LTF: variants seen among roughly 807,000 people sequenced by gnomAD.
LTF encodes lactotransferrin.
LTF carries 91 observed loss-of-function variants against 87.2 expected under a neutral mutation model. The ratio of observed to expected loss-of-function variants is 1.04; its 90% CI spans 0.88 to 1.24. LTF has a LOEUF of 1.24. Ranked by LOEUF, LTF falls within the 50% of genes most tolerant of loss-of-function variation. The pLI, the probability that LTF is intolerant of heterozygous loss-of-function variation, is 0.00. For synonymous variants in LTF, 378 were observed against 356.1 expected (o/e 1.06, Z -0.69); for missense variants, 901 against 904.3 (o/e 1.00, Z 0.05).
chr3:46,440,551 C>T (rs1344173382), intron 14 of LTF, among the ~76,000 whole-genome samples: 1 of 152,194 alleles, frequency 6.6e-6, no homozygotes, highest in Non-Finnish European at 1.5e-5. Context: ...TCCCGTTTGT[C>T]TCTCTGCTCT....
At chr3:46,465,341 C>T (rs898183469), upstream of LTF, among the ~76,000 whole-genome samples, 1 of 152,214 alleles carries the variant, frequency 6.6e-6, no homozygotes, top group Non-Finnish European at 1.5e-5. Flanking sequence ...TTCACCTTGG[C>T]TCAGCAGTGA....
chr3:46,478,951 G>A (rs1559613492), intron 1 of LTF, among the ~76,000 whole-genome samples: 1 of 152,224 alleles, frequency 6.6e-6, no homozygotes, highest in Non-Finnish European at 1.5e-5. Flanking sequence ...CTTGCACTTA[G>A]AGGGGTTCCC....
In LTF at chr3:46,441,460, T is replaced by C. The variant is rs1291496809; in HGVS notation, c.1679A>G (p.Asp560Gly). Residue 560 changes from aspartate to glycine, a missense_variant, in exon 14 of 17, where the codon GAC becomes GGC. Transcript: ENST00000231751. ...AFRCLAENAG[D>G]VAFVKDVTVL... The stretch of plus-strand genomic sequence containing the variant: ...AGTGACATCTTTCACAAATGCAACG[T>C]CTCCAGCATTCTCAGCCAGGCACCT... 7.4e-6 allele frequency: 12 copies of C among 1,613,658 alleles called. No individual in the cohort carries two copies. The highest frequency in any genetic ancestry group is 9.3e-6 in the Non-Finnish European group (11 of 1,179,850).
chr3:46,480,825 A>G (rs1034220550), intron 1 of LTF, among the ~76,000 whole-genome samples: 3 of 152,220 alleles, frequency 2.0e-5, no homozygotes, highest in Non-Finnish European at 4.4e-5. Context: ...AATTAAACCT[A>G]GGAGAGAAGT....
chr3:46,477,987 T>C (rs7643332), intron 1 of LTF, among the ~76,000 whole-genome samples: 27,673 of 152,062 alleles, frequency 0.18, 4,483 homozygotes, highest in African/African-American at 0.42. Flanking sequence ...CAGTCTTCCT[T>C]CTCAAGCTAA....
chr3:46,447,531 C>T, intron 9 of LTF, 133 bp from the exon 10 acceptor site: 1 of 692,658 alleles, frequency 1.4e-6, no homozygotes, highest in Non-Finnish European at 2.6e-6. Context: ...ACTATTCAAA[C>T]TGAGCAGCCA....
At position 46,454,376 on chromosome 3, in the gene LTF, C is replaced by T. The variant is rs1366953236; in HGVS notation, c.648-16G>A. ...TCTCAGACACCTGTGAAAAGAGAAA[C>T]CATCAGGGGTAAGCACAGGCAGCCC... On this transcript the variant is annotated splice_polypyrimidine_tract_variant and intron_variant, in intron 5 of 16. Transcript: ENST00000231751. 2.5e-6 allele frequency: 4 copies of T among 1,613,056 alleles called. No homozygotes were observed. Among genetic ancestry groups the T allele is most frequent in the Non-Finnish European group, 3.4e-6 (4 of 1,179,150 alleles).
exon 1 of LTF, chr3:46,485,061 GC>G: frequency 6.6e-6 from 1 of 152,544 alleles, no homozygotes. Flanking sequence ...ACAGCCCAGG[GC>G]CCCAGCTGGA....
chr3:46,481,189 G>A (rs1237410120), intron 1 of LTF, among the ~76,000 whole-genome samples: 1 of 152,206 alleles, frequency 6.6e-6, no homozygotes, highest in Non-Finnish European at 1.5e-5. Flanking sequence ...CACCCTGCCT[G>A]GATCACCCCT....
At chr3:46,438,638 C>G (rs566743246) in intron 15 of LTF, among the ~76,000 whole-genome samples, 1 of 152,210 alleles carries the variant, frequency 6.6e-6, no homozygotes, top group African/African-American at 2.4e-5. Context: ...ACCCAAACCC[C>G]TCAGTCACGG....
chr3:46,441,969 GTGTGTGTGTGT>G (rs2106836799), intron 13 of LTF: 1 of 120,250 alleles, frequency 8.3e-6, no homozygotes, highest in Admixed American at 8.1e-5. Context: ...GTGTGTGTGT[GTGTGTGTGTGT>G]GTGTGTGTAT....
intron 14 of LTF, among the ~76,000 whole-genome samples, chr3:46,441,021 T>A (rs1702503217): frequency 6.6e-6 from 1 of 152,222 alleles, no homozygotes; most frequent in African/African-American, 2.4e-5. Context: ...GGAGGCTTCA[T>A]TTGCATATGT....
In LTF at chr3:46,482,659, AGAAGGAAGGAAGGAAG is replaced by A. The variant is rs1206921702; in HGVS notation, c.-320+2311_-320+2326del. Among the ~76,000 whole-genome samples the A allele has an allele frequency of 9.5e-4, 57 of 60,266 alleles. 1 individual carries two copies. The highest frequency in any genetic ancestry group is 1.3e-3 in the Non-Finnish European group (40 of 30,866). The allele number at this position is 60,266 out of a possible 152,430, so 39.5% of individuals were successfully genotyped here. On this transcript the variant is annotated intron_variant, in intron 1 of 19. Coordinates refer to the LTF transcript ENST00000443496. ...AAGAAAGAAAGAAAGAAAGAAAGAA[AGAAGGAAGGAAGGAAG>A]GAAGGAAGGAAGGAAGGAAGGAAGG...
At chr3:46,445,200 C>T (rs1702618697) in intron 12 of LTF, 81 bp downstream of exon 12, 1 of 1,380,536 alleles carries the variant, frequency 7.2e-7, no homozygotes, top group South Asian at 1.4e-5. Context: ...AAATCCCCTC[C>T]CCTCCCTTCC....
intron 6 of LTF, among the ~76,000 whole-genome samples, chr3:46,451,812 C>T (rs1702810315): frequency 6.6e-6 from 1 of 152,148 alleles, no homozygotes; most frequent in Non-Finnish European, 1.5e-5. Flanking sequence ...CCAGGCTGGT[C>T]TCGAACTCCT....
At chr3:46,473,360 C>T (rs1206012400) in intron 1 of LTF, among the ~76,000 whole-genome samples, 2 of 152,218 alleles carry the variant, frequency 1.3e-5, no homozygotes, top group Admixed American at 6.5e-5. Context: ...ACAGCTCAGC[C>T]TAGAAGTTCC....
chr3:46,461,117 G>A (rs970885246), intron 1 of LTF, among the ~76,000 whole-genome samples: 2 of 152,210 alleles, frequency 1.3e-5, no homozygotes, highest in Non-Finnish European at 2.9e-5. Flanking sequence ...TCATTTCACA[G>A]CCACTGAACA....
At chr3:46,464,684 G>T (rs1703169497) in intron 1 of LTF, 141 bp downstream of exon 1, 3 of 849,148 alleles carry the variant, frequency 3.5e-6, no homozygotes, top group African/African-American at 3.4e-5. Flanking sequence ...CGTCCGGGCC[G>T]CCTCCCGGCT....
chr3:46,454,270 G>A lies in LTF; in HGVS notation c.703+35C>T, dbSNP rs1189336675. 11 of 1,596,142 alleles carry A rather than the reference G, an allele frequency of 6.9e-6. No individual in the cohort carries two copies. In the African/African-American group the frequency reaches 1.3e-4, roughly 19 times the overall value. On this transcript the variant is annotated intron_variant, in intron 6 of 16. Coordinates refer to ENST00000231751, the MANE Select transcript of LTF (RefSeq NM_002343.6). Reference sequence around the variant, plus strand: ...GAGTCATGATCAAGTAAGATAAAAGGGGTCAGTACCCACGGCTCATTACCC... The same window carrying A: ...GAGTCATGATCAAGTAAGATAAAAGAGGTCAGTACCCACGGCTCATTACCC...
Sources: allele counts gnomAD v4.1 joint callset (sites outside exome capture counted in the v4.1 genomes callset), GRCh38; gene constraint gnomAD v4.1.1; transcripts MANE v1.5; gene names NCBI Gene and HGNC (gene_info 2026-07-23, HGNC 2026-07-21).